WHRN: variants seen among roughly 807,000 people sequenced by gnomAD.
The protein encoded by WHRN is whirlin.
In WHRN, 41 loss-of-function variants were observed where a neutral mutation model predicts 68.3. The ratio of observed to expected loss-of-function variants is 0.60; its 90% CI spans 0.47 to 0.78. The LOEUF is 0.78. Ranked by LOEUF, WHRN falls within the 30% of genes least tolerant of loss-of-function variation. The pLI is 0.00. For missense variants in WHRN, 1,243 were observed against 1,244.7 expected, an observed-to-expected ratio of 1.00 and a Z score of 0.02; for synonymous variants, 560 against 561.3, an observed-to-expected ratio of 1.00 and a Z score of 0.03.
chr9:114,436,436 G>A (rs767626831), intron 3 of WHRN, among the ~76,000 whole-genome samples: 1 of 152,098 alleles, frequency 6.6e-6, no homozygotes, highest in Non-Finnish European at 1.5e-5. Flanking sequence ...GTTAATAATA[G>A]GGGAAAATGT....
intron 9 of WHRN, 43 bp from the exon 10 acceptor site, chr9:114,404,120 G>A (rs994696936): frequency 3.8e-6 from 6 of 1,590,508 alleles, no homozygotes; most frequent in African/African-American, 2.7e-5. Context: ...TATATAGCTG[G>A]GGTCAGGGAG....
chr9:114,404,111 A>G, intron 9 of WHRN, 34 bp from the exon 10 acceptor site: 3 of 1,604,404 alleles, frequency 1.9e-6, no homozygotes, highest in Non-Finnish European at 2.5e-6. Flanking sequence ...GAAGCAGCTT[A>G]TATAGCTGGG....
At chr9:114,440,087 A>C (rs139759527) in intron 3 of WHRN, among the ~76,000 whole-genome samples, 193 of 152,192 alleles carry the variant, frequency 1.3e-3, no homozygotes, top group African/African-American at 4.5e-3. Flanking sequence ...TAATTTTTGT[A>C]TTTTTAGTAG....
chr9:114,497,929 G>A (rs1049472748), intron 1 of WHRN, among the ~76,000 whole-genome samples: 2 of 152,158 alleles, frequency 1.3e-5, no homozygotes, highest in Admixed American at 1.3e-4. Flanking sequence ...AAAGACTGAG[G>A]TTCAGAGATG....
intron 3 of WHRN, 54 bp downstream of exon 3, chr9:114,466,213 C>G (rs1300290806): frequency 6.2e-7 from 1 of 1,611,052 alleles, no homozygotes; most frequent in Non-Finnish European, 8.5e-7. Context: ...TATTTAAAAT[C>G]AGCAGCAAAG....
chr9:114,413,727 GC>G (rs1835621229), intron 7 of WHRN, among the ~76,000 whole-genome samples: 1 of 152,158 alleles, frequency 6.6e-6, no homozygotes, highest in African/African-American at 2.4e-5. Context: ...CCAGCACTGT[GC>G]TTTTCTACCA....
At position 114,406,478 on chromosome 9, in the gene WHRN, G is replaced by A; in HGVS notation, c.2113C>T (p.Pro705Ser). ...TCTGGGTGGCCAGAGGGTGATGGGG[G>A]CAGAAGGCAGCCCCCAGCCACTGTG... ...EATVAGGCLL[P>S]PSPSGHPDQT... is the part of the protein sequence containing the mutation. Residue 705 changes from proline to serine, a missense_variant, in exon 9 of 12, where the codon CCC becomes TCC. Coordinates refer to ENST00000362057, the MANE Select transcript of WHRN (RefSeq NM_015404.4). The A allele has an allele frequency of 1.2e-6, 2 of 1,614,122 alleles. No homozygotes were observed. The highest frequency in any genetic ancestry group is 2.7e-5 in the African/African-American group (2 of 75,058).
At chr9:114,469,131 C>T (rs1018619999) in intron 2 of WHRN, among the ~76,000 whole-genome samples, 5 of 151,968 alleles carry the variant, frequency 3.3e-5, no homozygotes, top group African/African-American at 9.7e-5. Context: ...TCGTGGCTGG[C>T]ACAGGGAAGC....
intron 9 of WHRN, among the ~76,000 whole-genome samples, chr9:114,404,970 C>G (rs1377104661): frequency 2.0e-5 from 3 of 151,878 alleles, no homozygotes; most frequent in Admixed American, 2.0e-4. Context: ...GTGCCCACCA[C>G]TCAGCTCAGG....
rs111952541 is a variant in WHRN at position 114,434,523 on chromosome 9, C to CCTCCGATT, written c.964-8111_964-8110insAATCGGAG. 9.1e-4 allele frequency among the ~76,000 whole-genome samples: 139 copies of CCTCCGATT among 152,230 alleles called. 3 individuals carry two copies. Among genetic ancestry groups the CCTCCGATT allele is most frequent in the Admixed American group, 5.9e-3 (91 of 15,302 alleles). On this transcript the variant is annotated intron_variant, in intron 3 of 11. Coordinates refer to ENST00000362057, the MANE Select transcript of WHRN (RefSeq NM_015404.4). ...ACACAGCCCCAGATCAAACCCCTGA[C>CCTCCGATT]CTTTCCTCCAAGCCTGGTCCTTCTC...
At chr9:114,432,479 A>G (rs1837506508) in intron 3 of WHRN, among the ~76,000 whole-genome samples, 1 of 152,192 alleles carries the variant, frequency 6.6e-6, no homozygotes, top group Non-Finnish European at 1.5e-5. Flanking sequence ...ACTAACAGCT[A>G]GTGTGTTGTG....
intron 1 of WHRN, among the ~76,000 whole-genome samples, chr9:114,489,779 T>C (rs1226657119): frequency 1.6e-4 from 24 of 152,212 alleles, no homozygotes; most frequent in Non-Finnish European, 1.5e-5. Flanking sequence ...TTAGATACCT[T>C]TTCTATGCAG....
chr9:114,420,645 C>T (rs935003375), intron 7 of WHRN, among the ~76,000 whole-genome samples: 8 of 152,116 alleles, frequency 5.3e-5, no homozygotes, highest in East Asian at 3.9e-4. Flanking sequence ...GTCAGGGGGG[C>T]GGTGGCAGTC....
In WHRN at chr9:114,424,470, T is replaced by C. The variant is rs2132377396; in HGVS notation, c.1280A>G (p.Glu427Gly). 6.2e-7 allele frequency: 1 copy of C among 1,614,016 alleles called. No homozygotes were observed. The highest frequency in any genetic ancestry group is 2.2e-5 in the East Asian group (1 of 44,864). ...GTTCAGCAGGTGCCGAGCCTGCTCC[T>C]CCAGCAGCACTCGTGTCTGGTTCCC... is the stretch of plus-strand genomic sequence containing the variant. ...SLGNQTRVLLEEQARHLLNEQ... is the reference protein window; with the variant it reads ...SLGNQTRVLLGEQARHLLNEQ... The change falls in exon 6 of 12, where the codon GAG becomes GGG. Residue 427 changes from glutamate to glycine, a missense_variant. Glu to Gly is a moderately conservative substitution (Grantham distance 98). Transcript: ENST00000362057.
chr9:114,464,669 G>C (rs1840510731), intron 3 of WHRN, among the ~76,000 whole-genome samples: 1 of 152,074 alleles, frequency 6.6e-6, no homozygotes, highest in Non-Finnish European at 1.5e-5. Flanking sequence ...TTCCCCATTT[G>C]ATCTTTGCAA....
Position 114,466,061 on chromosome 9 carries a change from C to T in WHRN, c.963+206G>A, listed in dbSNP as rs1535970. 0.38 allele frequency among the ~76,000 whole-genome samples: 57,540 copies of T among 152,164 alleles called. 12,782 individuals carry two copies. Among genetic ancestry groups the T allele is most frequent in the East Asian group, 0.6 (3,068 of 5,152 alleles). ...TTGCAAAACAGCAGCACGACAAGTT[C>T]GGGCTGGCCTGCTGCCCACACTGCG... On this transcript the variant is annotated intron_variant, in intron 3 of 11. Transcript: ENST00000362057.
chr9:114,434,429 C>A (rs898804438), intron 3 of WHRN, among the ~76,000 whole-genome samples: 1 of 147,314 alleles, frequency 6.8e-6, no homozygotes, highest in Admixed American at 6.8e-5. Flanking sequence ...AAAATTCACT[C>A]CCCCAGTCAC....
At chr9:114,494,345 C>T (rs1336115051) in intron 1 of WHRN, among the ~76,000 whole-genome samples, 1 of 152,238 alleles carries the variant, frequency 6.6e-6, no homozygotes, top group Non-Finnish European at 1.5e-5. Context: ...CCAATAGATG[C>T]ACCCAGTGCT....
At chr9:114,472,896 G>A (rs780312767) in intron 2 of WHRN, among the ~76,000 whole-genome samples, 13 of 152,230 alleles carry the variant, frequency 8.5e-5, no homozygotes, top group Non-Finnish European at 1.8e-4. Context: ...TCCAATCATG[G>A]ATGCGGAAGC....
Sources: allele counts gnomAD v4.1 joint callset (sites outside exome capture counted in the v4.1 genomes callset), GRCh38; gene constraint gnomAD v4.1.1; transcripts MANE v1.5; gene names NCBI Gene and HGNC (gene_info 2026-07-23, HGNC 2026-07-21).